Variants in TENM4 observed in about 807,000 individuals in gnomAD.
TENM4 encodes the protein teneurin transmembrane protein 4, also known as teneurin-4.
TENM4 carries 82 observed loss-of-function variants against 243.3 expected under a neutral mutation model. That is an observed-to-expected ratio of 0.34 (90% CI 0.28 to 0.40). The LOEUF (loss-of-function observed/expected upper bound fraction) is 0.40, where lower values mean the gene tolerates loss of function less well. TENM4 is among the 10% of genes least tolerant of loss of function. The pLI is 1.00. For missense variants in TENM4, 3,138 were observed against 3,673.3 expected, an observed-to-expected ratio of 0.85 and a Z score of 3.77; for synonymous variants, 1,412 against 1,456.3, an observed-to-expected ratio of 0.97 and a Z score of 0.69.
intron 2 of TENM4, among the ~76,000 whole-genome samples, chr11:79,241,070 C>G (rs2135281050): frequency 6.6e-6 from 1 of 152,070 alleles, no homozygotes; most frequent in Non-Finnish European, 1.5e-5. Flanking sequence ...ATGCTGGCCC[C>G]AGTGATGCTG....
intron 1 of TENM4, among the ~76,000 whole-genome samples, chr11:79,437,180 T>A (rs1292903912): frequency 3.3e-5 from 5 of 152,154 alleles, no homozygotes; most frequent in African/African-American, 1.2e-4. Flanking sequence ...TTATAACACC[T>A]GGAAAGGGGA....
chr11:78,658,379 G>A lies in TENM4; in HGVS notation c.7989C>T (p.Tyr2663=). 6.2e-7 allele frequency: 1 copy of A among 1,614,058 alleles called. No homozygotes were observed. Residue 2663 remains tyrosine, a synonymous_variant, in exon 34 of 34, where the codon TAC becomes TAT. Transcript: ENST00000278550. Reference sequence around the variant, plus strand: ...CCCCGTACTGGAGCTGGATGTCTGTGTAGCGTCTAGTCCTGCCATTAAGTA... The same window carrying A: ...CCCCGTACTGGAGCTGGATGTCTGTATAGCGTCTAGTCCTGCCATTAAGTA... ...NTVLNGRTRR[Y]TDIQLQYGAL...
intron 6 of TENM4, among the ~76,000 whole-genome samples, chr11:78,951,479 C>A (rs148189756): frequency 6.6e-6 from 1 of 152,192 alleles, no homozygotes; most frequent in Non-Finnish European, 1.5e-5. Context: ...TGGTCTTAGT[C>A]GGCTTAGGCT....
rs192988236 is a variant in TENM4 at position 79,289,135 on chromosome 11, A to G, written c.-265+8353T>C. ...ATGTTTCCTACACGTGTAGAGGGCA[A>G]AGGTAGCAAATAGGATCCTTTTTCA... On this transcript the variant is annotated intron_variant, in intron 2 of 33. Transcript: ENST00000278550. 4.1e-4 allele frequency among the ~76,000 whole-genome samples: 62 copies of G among 152,280 alleles called. 1 individual carries two copies. In the East Asian group the frequency reaches 7.7e-3, roughly 19 times the overall value.
chr11:78,732,535 C>A lies in TENM4; in HGVS notation c.2919G>T (p.Arg973=). The change falls in exon 21 of 34, where the codon CGG becomes CGT. Residue 973 remains arginine (R), a synonymous_variant. Transcript: ENST00000278550. The part of the protein sequence containing the change: ...VTNGGISIIL[R]FERAPFITQE... ...GTGTGATGAAAGGTGCCCGCTCGAA[C>A]CGCAGGATGATGGAGATGCCGCCAT... 1 of 1,611,538 alleles carries A rather than the reference C, an allele frequency of 6.2e-7. No individual in the cohort carries two copies. The highest frequency in any genetic ancestry group is 8.5e-7 in the Non-Finnish European group (1 of 1,178,242).
Position 78,732,531 on chromosome 11 carries a change from C to T in TENM4, c.2923G>A (p.Glu975Lys), listed in dbSNP as rs190748251. Residue 975 changes from glutamate (E) to lysine (K), a missense_variant, in exon 21 of 34, where the codon GAG becomes AAG. Transcript: ENST00000278550. Reference sequence around the variant, plus strand: ...TCCTGTGTGATGAAAGGTGCCCGCTCGAACCGCAGGATGATGGAGATGCCG... The same window carrying T: ...TCCTGTGTGATGAAAGGTGCCCGCTTGAACCGCAGGATGATGGAGATGCCG... ...NGGISIILRF[E>K]RAPFITQEHT... The T allele has an allele frequency of 2.6e-5, 42 of 1,612,466 alleles. No homozygotes were observed. The highest frequency in any genetic ancestry group is 1.3e-4 in the Admixed American group (8 of 59,918).
At chr11:79,352,295 C>G (rs1190242987) in intron 1 of TENM4, among the ~76,000 whole-genome samples, 1 of 152,234 alleles carries the variant, frequency 6.6e-6, no homozygotes, top group Admixed American at 6.5e-5. Flanking sequence ...CCAGCCAGCT[C>G]TTGGTTTCAG....
chr11:78,755,556 A>T (rs1212977236), intron 19 of TENM4, among the ~76,000 whole-genome samples: 1 of 152,124 alleles, frequency 6.6e-6, no homozygotes, highest in African/African-American at 2.4e-5. Flanking sequence ...CTAACTCTAA[A>T]TGAGCTCCAG....
chr11:79,239,025 A>T (rs950817389), intron 2 of TENM4, among the ~76,000 whole-genome samples: 6 of 151,944 alleles, frequency 3.9e-5, no homozygotes, highest in Non-Finnish European at 8.8e-5. Flanking sequence ...ACTCTGTCTC[A>T]AACAAACAAA....
intron 2 of TENM4, among the ~76,000 whole-genome samples, chr11:79,239,622 A>T (rs1403822179): frequency 6.6e-6 from 1 of 152,220 alleles, no homozygotes; most frequent in East Asian, 1.9e-4. Flanking sequence ...GAGAAATACA[A>T]GACATGTGTC....
At chr11:79,347,373 A>G (rs1172514540) in intron 1 of TENM4, among the ~76,000 whole-genome samples, 1 of 152,194 alleles carries the variant, frequency 6.6e-6, no homozygotes, top group Non-Finnish European at 1.5e-5. Flanking sequence ...CCATTCAAGG[A>G]ACTCCTAATA....
intron 6 of TENM4, among the ~76,000 whole-genome samples, chr11:78,952,900 C>T (rs547678755): frequency 2.6e-5 from 4 of 152,238 alleles, no homozygotes; most frequent in Admixed American, 6.5e-5. Context: ...TGGTTCACAT[C>T]AGGTATGCAT....
At chr11:79,306,987 G>A (rs1342505706) in intron 1 of TENM4, among the ~76,000 whole-genome samples, 1 of 152,180 alleles carries the variant, frequency 6.6e-6, no homozygotes, top group Non-Finnish European at 1.5e-5. Context: ...TGTACCAGAT[G>A]TGCCTCTTTG....
At chr11:79,237,219 C>T (rs1245979652) in intron 2 of TENM4, among the ~76,000 whole-genome samples, 1 of 152,248 alleles carries the variant, frequency 6.6e-6, no homozygotes, top group Non-Finnish European at 1.5e-5. Flanking sequence ...ATGCCCCAAA[C>T]ATACATTGCG....
At chr11:79,184,906 CAAGT>C (rs1320716491) in intron 3 of TENM4, among the ~76,000 whole-genome samples, 4 of 152,106 alleles carry the variant, frequency 2.6e-5, no homozygotes, top group Admixed American at 1.3e-4. Flanking sequence ...GAAATTTAAA[CAAGT>C]AAGACTCTCA....
At chr11:79,332,670 C>T (rs1045820409) in intron 1 of TENM4, among the ~76,000 whole-genome samples, 35 of 152,166 alleles carry the variant, frequency 2.3e-4, no homozygotes, top group African/African-American at 7.7e-4. Flanking sequence ...CCCCACTTCT[C>T]AGATAAATAA....
intron 28 of TENM4, among the ~76,000 whole-genome samples, chr11:78,692,337 G>T (rs933284758): frequency 6.6e-6 from 1 of 152,236 alleles, no homozygotes; most frequent in East Asian, 1.9e-4. Context: ...ACTTGGCTCT[G>T]TGTTCCTCCT....
At chr11:78,805,250 A>C in intron 15 of TENM4, 42 bp downstream of exon 15, 24 of 34,574 alleles carry the variant, frequency 6.9e-4, no homozygotes, top group Middle Eastern at 7.5e-3. Flanking sequence ...CACAGTGGAA[A>C]TCCCCTCCCT....
At chr11:78,889,349 GC>G (rs1855612022) in intron 9 of TENM4, among the ~76,000 whole-genome samples, 1 of 152,308 alleles carries the variant, frequency 6.6e-6, no homozygotes, top group African/African-American at 2.4e-5. Flanking sequence ...AGCCCAGGGT[GC>G]TCCACCTCCT....
Sources: gnomAD v4.1 joint callset for allele counts (sites outside exome capture counted in the v4.1 genomes callset) on GRCh38, gnomAD v4.1.1 for gene constraint, MANE v1.5 for transcripts, NCBI Gene and HGNC (gene_info 2026-07-23, HGNC 2026-07-21) for gene names.